The following MAD1L1 variants were observed in gnomAD, a reference collection of about 807,000 sequenced individuals.
MAD1L1 encodes the protein mitotic spindle assembly checkpoint protein MAD1.
Under a neutral mutation model 96.9 loss-of-function variants are expected in MAD1L1, and 95 were observed. The ratio of observed to expected loss-of-function variants is 0.98; its 90% confidence interval spans 0.83 to 1.16. MAD1L1 has a LOEUF of 1.16. Ranked by LOEUF, MAD1L1 falls within the 50% of genes most tolerant of loss-of-function variation. MAD1L1 has a pLI of 0.00. For missense variants in MAD1L1, 1,007 were observed against 954.4 expected (o/e 1.06, Z -0.73); for synonymous variants, 473 against 396.6 (o/e 1.19, Z -2.29).
At chr7:1,850,567 C>T (rs1408083020) in intron 18 of MAD1L1, among the ~76,000 whole-genome samples, 1 of 152,192 alleles carries the variant, frequency 6.6e-6, no homozygotes, top group Non-Finnish European at 1.5e-5. Flanking sequence ...TGCTTGACTC[C>T]GGGGAGCTGC....
chr7:1,910,414 C>A (rs1285099570), intron 17 of MAD1L1, among the ~76,000 whole-genome samples: 1 of 152,238 alleles, frequency 6.6e-6, no homozygotes, highest in Non-Finnish European at 1.5e-5. Flanking sequence ...CTGGTCGCAG[C>A]AGCCGTCCGA....
intron 12 of MAD1L1, among the ~76,000 whole-genome samples, chr7:2,025,632 G>A (rs1490518290): frequency 1.3e-5 from 2 of 152,188 alleles, no homozygotes; most frequent in African/African-American, 4.8e-5. Context: ...AAAAGGGTTA[G>A]AAATGTGTAC....
At chr7:1,987,091 A>G (rs1048835439) in intron 14 of MAD1L1, among the ~76,000 whole-genome samples, 11 of 151,886 alleles carry the variant, frequency 7.2e-5, no homozygotes, top group African/African-American at 2.7e-4. Flanking sequence ...CACCATTTAG[A>G]TCCAGTGGAA....
At chr7:2,204,350 C>A (rs553364412) in intron 10 of MAD1L1, among the ~76,000 whole-genome samples, 1 of 152,270 alleles carries the variant, frequency 6.6e-6, no homozygotes, top group East Asian at 1.9e-4. Context: ...GTATGATCTG[C>A]GCACGTGAAC....
intron 10 of MAD1L1, among the ~76,000 whole-genome samples, chr7:2,183,173 A>T (rs1033277054): frequency 7.9e-5 from 12 of 151,846 alleles, no homozygotes; most frequent in Non-Finnish European, 1.5e-4. Flanking sequence ...TGATCGCGCC[A>T]CTGCATCCTG....
intron 10 of MAD1L1, among the ~76,000 whole-genome samples, chr7:2,153,489 A>G (rs548125782): frequency 1.3e-5 from 2 of 152,232 alleles, no homozygotes. Flanking sequence ...CAAAACCACA[A>G]TGAGATACCA....
intron 11 of MAD1L1, among the ~76,000 whole-genome samples, chr7:2,100,269 C>A (rs3778968): frequency 0.045 from 6,925 of 152,286 alleles, 255 homozygotes; most frequent in African/African-American, 0.095. Flanking sequence ...AGCTAGGAAT[C>A]CCAGCTGACT....
chr7:2,066,440 A>G (rs1181479464), intron 12 of MAD1L1, among the ~76,000 whole-genome samples: 9 of 152,364 alleles, frequency 5.9e-5, no homozygotes, highest in African/African-American at 1.9e-4. Context: ...ACTGGGATCA[A>G]TCCTTCGTCA....
chr7:1,854,601 C>T (rs1436369191), intron 18 of MAD1L1, among the ~76,000 whole-genome samples: 18 of 152,140 alleles, frequency 1.2e-4, no homozygotes, highest in Admixed American at 1.2e-3. Context: ...ACCTCAGCAC[C>T]TCCCGAAGAC....
chr7:1,994,789 C>T (rs1781487984), intron 14 of MAD1L1, among the ~76,000 whole-genome samples: 1 of 152,228 alleles, frequency 6.6e-6, no homozygotes, highest in South Asian at 2.1e-4. Context: ...AGTTCCTGAT[C>T]CTGGACTTCC....
chr7:1,996,975 T>C (rs978152654), intron 14 of MAD1L1, among the ~76,000 whole-genome samples: 3 of 152,046 alleles, frequency 2.0e-5, no homozygotes, highest in African/African-American at 4.8e-5. Flanking sequence ...ATCAAAAGAC[T>C]CCCATCTCCA....
Position 2,088,125 on chromosome 7 carries a change from A to C in MAD1L1, c.1074-18787T>G, listed in dbSNP as rs1458925800. Among the ~76,000 whole-genome samples the C allele has an allele frequency of 6.6e-6, 1 of 152,202 alleles. No homozygotes were observed. The highest frequency in any genetic ancestry group is 1.5e-5 in the Non-Finnish European group (1 of 68,038). On this transcript the variant is annotated intron_variant, in intron 11 of 18. Transcript: ENST00000265854. The surrounding 1 kb of genome is among the most constrained non-coding windows in gnomAD (Gnocchi z 4.4). The stretch of plus-strand genomic sequence containing the variant: ...AAAAGTCTACACACAAAGCACCCGC[A>C]CAGGCTGAGTGGAAATATGGGGGCC...
At chr7:2,048,466 A>C (rs1784030497) in intron 12 of MAD1L1, among the ~76,000 whole-genome samples, 1 of 152,254 alleles carries the variant, frequency 6.6e-6, no homozygotes, top group African/African-American at 2.4e-5. Flanking sequence ...GAATGCCAGC[A>C]GTGACCGCTA....
rs906780376 is a variant in MAD1L1, at chr7:1,867,309, G to A, written c.1998+30891C>T. On this transcript the variant is annotated intron_variant, in intron 18 of 18. Transcript: ENST00000265854. Reference sequence around the variant, plus strand: ...GGGGAATGCCGGGACAAGGAAGTGTGGGACAAGGAAGAGGTGCTGGCTGCC... The same window carrying A: ...GGGGAATGCCGGGACAAGGAAGTGTAGGACAAGGAAGAGGTGCTGGCTGCC... 2.6e-5 allele frequency among the ~76,000 whole-genome samples: 4 copies of A among 151,972 alleles called. No homozygotes were observed. In the South Asian group the frequency reaches 8.3e-4, roughly 32 times the overall value.
rs938960674 is a variant in MAD1L1, at chr7:1,859,831, C to T, written c.1998+38369G>A. Among the ~76,000 whole-genome samples, 30 of 151,722 alleles carry T rather than the reference C, an allele frequency of 2.0e-4. 1 individual carries two copies. Among genetic ancestry groups the T allele is most frequent in the Non-Finnish European group, 2.9e-5 (2 of 67,900 alleles). On this transcript the variant is annotated intron_variant, in intron 18 of 18. Transcript: ENST00000265854. ...CATCCAGCGGGGTGGCCTCTGTCTC[C>T]CTTAGACATGATACCCGGCGGGGCG...
At chr7:2,047,730 TCA>T (rs1290456290) in intron 12 of MAD1L1, among the ~76,000 whole-genome samples, 1 of 151,892 alleles carries the variant, frequency 6.6e-6, no homozygotes, top group Non-Finnish European at 1.5e-5. Context: ...CACACAGAGC[TCA>T]CACAGCACAG....
intron 18 of MAD1L1, among the ~76,000 whole-genome samples, chr7:1,831,404 C>T (rs1397722245): frequency 6.6e-6 from 1 of 152,150 alleles, no homozygotes; most frequent in Non-Finnish European, 1.5e-5. Context: ...CATCTCTCTC[C>T]TTCTCCTTAG....
chr7:1,868,978 G>A (rs781375232), intron 18 of MAD1L1, among the ~76,000 whole-genome samples: 4 of 152,180 alleles, frequency 2.6e-5, no homozygotes, highest in African/African-American at 7.2e-5. Flanking sequence ...CCAAACCCTC[G>A]CGTGTGTAGG....
intron 12 of MAD1L1, among the ~76,000 whole-genome samples, chr7:2,068,904 GCAGTGACAGGGAACCCT>G (rs1417484146): frequency 6.6e-6 from 1 of 152,202 alleles, no homozygotes; most frequent in Non-Finnish European, 1.5e-5. Context: ...CAGGGGGTCC[GCAGTGACAGGGAACCCT>G]CTCCAGAGCT....
Sources: gnomAD v4.1 joint callset for allele counts (sites outside exome capture counted in the v4.1 genomes callset) on GRCh38, gnomAD v4.1.1 for gene constraint, Gnocchi (gnomAD v3.1) non-coding constraint, MANE v1.5 for transcripts, NCBI Gene and HGNC (gene_info 2026-07-23, HGNC 2026-07-21) for gene names.